Variants in SLC25A53 observed in about 807,000 individuals in gnomAD.
The protein encoded by SLC25A53 is solute carrier family 25 member 53, also known as mitochondrial carrier triple repeat protein 6.
A neutral mutation model predicts 15.0 loss-of-function variants in SLC25A53; 5 were observed. The observed-to-expected ratio is 0.33, with a 90% confidence interval of 0.17 to 0.70. The LOEUF is 0.70. SLC25A53 is among the 30% of genes least tolerant of loss of function. The pLI is 0.67. For synonymous variants in SLC25A53, 95 were observed against 100.0 expected (o/e 0.95, Z 0.30); for missense variants, 216 against 241.6 (o/e 0.89, Z 0.70).
rs372787463 is a variant in SLC25A53 at position 104,130,386 on chromosome X, C to T, written c.-31-25098G>A. Among the ~76,000 whole-genome samples the T allele has an allele frequency of 2.7e-5, 3 of 111,097 alleles. No homozygotes were observed. In the Admixed American group the frequency reaches 2.9e-4, roughly 11 times the overall value. ...GCAGAAGGTAACTTGGATTCTGGTC[C>T]GAGGGTGTGGATTCCAATCACTTAA... On this transcript the variant is annotated intron_variant, in intron 1 of 1. Transcript: ENST00000594199.
intron 1 of SLC25A53, chrX:104,114,122 T>A: frequency 1.7e-6 from 2 of 1,211,634 alleles, no homozygotes; most frequent in Non-Finnish European, 2.2e-6. Flanking sequence ...ATGGCTAGCA[T>A]CACTGCGTGT....
intron 1 of SLC25A53, among the ~76,000 whole-genome samples, chrX:104,143,702 T>G (rs1440581361): frequency 1.8e-5 from 2 of 111,539 alleles, no homozygotes; most frequent in Non-Finnish European, 3.8e-5. Flanking sequence ...CAGGAGAACT[T>G]CCCCAACCTA....
At chrX:104,114,112 A>G in intron 1 of SLC25A53, 1 of 1,211,800 alleles carries the variant, frequency 8.3e-7, no homozygotes, top group Non-Finnish European at 1.1e-6. Flanking sequence ...GTCGTCAGTC[A>G]TGGCTAGCAT....
Position 104,134,650 on chromosome X carries a change from T to A in SLC25A53, c.-32+22228A>T, listed in dbSNP as rs782405217. ...GAATTAAGATCATTCACGTAAGCACTTAGAACAGTGCTCAATGAGTGTTAA... is the reference window on the plus strand; with the variant it reads ...GAATTAAGATCATTCACGTAAGCACATAGAACAGTGCTCAATGAGTGTTAA... On this transcript the variant is annotated intron_variant, in intron 1 of 1. Transcript: ENST00000594199. Among the ~76,000 whole-genome samples the A allele has an allele frequency of 3.6e-5, 4 of 111,749 alleles. No homozygotes were observed. The South Asian group carries it at 1.5e-3, about 42-fold the overall frequency.
intron 1 of SLC25A53, among the ~76,000 whole-genome samples, chrX:104,138,714 G>A (rs112790573): frequency 8.9e-6 from 1 of 112,213 alleles, no homozygotes; most frequent in Middle Eastern, 4.6e-3. Flanking sequence ...CAGTAGACGG[G>A]GGAACCAGAA....
intron 1 of SLC25A53, among the ~76,000 whole-genome samples, chrX:104,133,305 A>G (rs1165410737): frequency 3.6e-5 from 4 of 111,978 alleles, no homozygotes; most frequent in African/African-American, 1.3e-4. Flanking sequence ...AGCAGACAGG[A>G]ATTTTTAACC....
At chrX:104,115,035 G>T in intron 1 of SLC25A53, 2 of 1,195,280 alleles carry the variant, frequency 1.7e-6, no homozygotes, top group South Asian at 3.7e-5. Flanking sequence ...ATCAAGTGCT[G>T]GTTATTGATT....
rs2075495650 is a variant in SLC25A53, at chrX:104,154,854, G to A, written c.-32+2024C>T. Among the ~76,000 whole-genome samples the A allele has an allele frequency of 2.7e-5, 3 of 111,587 alleles. No individual in the cohort carries two copies. The South Asian group carries it at 1.1e-3, about 41-fold the overall frequency. On this transcript the variant is annotated intron_variant, in intron 1 of 1. Coordinates refer to ENST00000594199, the MANE Select transcript of SLC25A53 (RefSeq NM_001012755.5). ...AAAGAGCTAAGAGTACATTTCAAAT[G>A]TTAGCACCACAAAAAAACTATTAAA...
intron 1 of SLC25A53, among the ~76,000 whole-genome samples, chrX:104,117,650 C>T (rs2075381823): frequency 9.0e-6 from 1 of 110,745 alleles, no homozygotes; most frequent in Non-Finnish European, 1.9e-5. Flanking sequence ...ACAGGGTCCC[C>T]CAACACTACC....
chrX:104,144,938 A>T (rs6621786), intron 1 of SLC25A53, among the ~76,000 whole-genome samples: 1 of 111,906 alleles, frequency 8.9e-6, no homozygotes, highest in East Asian at 2.8e-4. Flanking sequence ...CAGGACTTGA[A>T]CTCAGCTCTG....
chrX:104,104,516 T>A lies in SLC25A53; in HGVS notation c.742A>T (p.Met248Leu). 6 of 1,211,966 alleles carry A rather than the reference T, an allele frequency of 5.0e-6. No homozygotes were observed. The highest frequency in any genetic ancestry group is 6.7e-6 in the Non-Finnish European group (6 of 895,552). Residue 248 changes from methionine (M) to leucine (L), a missense_variant, in exon 2 of 2, where the codon ATG becomes TTG. Physicochemically the swap from Met to Leu is conservative, Grantham distance 15. Transcript: ENST00000594199. ...TGGGCAGAGGCCCACAGGCTTGGCA[T>A]GTTCTGCCATCCAATATGGGACTGC... ...NMQSHIGWQNMPSLWASAQDV... is the reference protein window; with the variant it reads ...NMQSHIGWQNLPSLWASAQDV...
chrX:104,152,467 C>T (rs1179142192), intron 1 of SLC25A53, among the ~76,000 whole-genome samples: 2 of 110,121 alleles, frequency 1.8e-5, no homozygotes, highest in African/African-American at 3.3e-5. Flanking sequence ...TTTCTTGGTT[C>T]GCTCTTGCCG....
In SLC25A53 at chrX:104,103,665, A is replaced by C. The variant is rs1203425878; in HGVS notation, c.*669T>G. 8.9e-6 allele frequency: 1 copy of C among 112,106 alleles called. No individual in the cohort carries two copies. Among genetic ancestry groups the C allele is most frequent in the African/African-American group, 3.2e-5 (1 of 30,794 alleles). The allele number at this position is 112,106 out of a possible 1,213,427, so 9.2% of individuals were successfully genotyped here. ...AGCAAATGTTTCTATTTTGCATGTAATTAAATCTTTTCTTTCAAAGTTTTT... is the reference window on the plus strand; with the variant it reads ...AGCAAATGTTTCTATTTTGCATGTACTTAAATCTTTTCTTTCAAAGTTTTT... On this transcript the variant is annotated 3_prime_UTR_variant, in exon 2 of 2. Coordinates refer to ENST00000594199, the MANE Select transcript of SLC25A53 (RefSeq NM_001012755.5).
chrX:104,109,996 T>C (rs1171858686), intron 1 of SLC25A53, among the ~76,000 whole-genome samples: 3 of 111,970 alleles, frequency 2.7e-5, no homozygotes, highest in Non-Finnish European at 5.6e-5. Context: ...CTGTATCCAA[T>C]TGAAGCCAGG....
intron 1 of SLC25A53, chrX:104,113,859 C>T: frequency 2.6e-6 from 1 of 387,807 alleles, no homozygotes; most frequent in Middle Eastern, 7.6e-4. Flanking sequence ...TGCCAGTCTC[C>T]TGCAGGGTAT....
intron 1 of SLC25A53, among the ~76,000 whole-genome samples, chrX:104,110,899 A>C (rs1556358118): frequency 1.8e-5 from 2 of 112,690 alleles, no homozygotes; most frequent in African/African-American, 6.5e-5. Flanking sequence ...TATTTCTCAC[A>C]CTTCTTCATC....
intron 1 of SLC25A53, among the ~76,000 whole-genome samples, chrX:104,129,053 C>A (rs1459979846): frequency 9.0e-6 from 1 of 111,119 alleles, no homozygotes; most frequent in Non-Finnish European, 1.9e-5. Flanking sequence ...AAAACATTAG[C>A]CAAGAAGGGT....
rs781946046 is a variant in SLC25A53, at chrX:104,105,210, C to A, written c.48G>T (p.Thr16=). Residue 16 remains threonine, a synonymous_variant, in exon 2 of 2, where the codon ACG becomes ACT. Transcript: ENST00000594199. ...TTTTCTTTCCTGGAGCCTCTGCTCG[C>A]GTCCTGTGCTGAAGCTCCTTCCCGG... ...HSPGKELQHR[T]RAEAPGKKSW... 5.8e-6 allele frequency: 7 copies of A among 1,210,000 alleles called. No homozygotes were observed. The highest frequency in any genetic ancestry group is 7.8e-6 in the Non-Finnish European group (7 of 894,986).
At position 104,103,560 on chromosome X, in the gene SLC25A53, A is replaced by G. The variant is rs782214502; in HGVS notation, c.*774T>C. The G allele has an allele frequency of 3.6e-5, 4 of 112,274 alleles. No homozygotes were observed. The highest frequency in any genetic ancestry group is 9.4e-5 in the Admixed American group (1 of 10,586). The allele number at this position is 112,274 out of a possible 1,213,427, so 9.3% of individuals were successfully genotyped here. A position where few individuals can be genotyped will look rare whatever the true frequency, so the allele number is the denominator to read the frequency against. ...TGGTCACTTCACTTCCAGGTTTCTTAGGGAAACTCAAACGGTTTCTAGGCA... is the reference window on the plus strand; with the variant it reads ...TGGTCACTTCACTTCCAGGTTTCTTGGGGAAACTCAAACGGTTTCTAGGCA... On this transcript the variant is annotated 3_prime_UTR_variant, in exon 2 of 2. Transcript: ENST00000594199.
Sources: allele counts gnomAD v4.1 joint callset (sites outside exome capture counted in the v4.1 genomes callset), GRCh38; gene constraint gnomAD v4.1.1; transcripts MANE v1.5; gene names NCBI Gene and HGNC (gene_info 2026-07-23, HGNC 2026-07-21).